ATRNL1: variants seen among roughly 807,000 people sequenced by gnomAD.
ATRNL1 encodes the protein attractin-like protein 1.
A neutral mutation model predicts 182.7 loss-of-function variants in ATRNL1; 95 were observed. The ratio of observed to expected loss-of-function variants is 0.52; its 90% CI spans 0.44 to 0.62. The LOEUF (loss-of-function observed/expected upper bound fraction) is 0.62, where lower values mean the gene tolerates loss of function less well. Among genes scored for constraint, ATRNL1 ranks in the 20% least tolerant of loss-of-function variants. The pLI, the probability that ATRNL1 is intolerant of heterozygous loss-of-function variation, is 0.00. For missense variants in ATRNL1, 1,471 were observed against 1,679.5 expected, an observed-to-expected ratio of 0.88 and a Z score of 2.17; for synonymous variants, 576 against 568.3, an observed-to-expected ratio of 1.01 and a Z score of -0.19.
At chr10:115,514,473 G>T (rs1850542312) in intron 24 of ATRNL1, among the ~76,000 whole-genome samples, 1 of 119,308 alleles carries the variant, frequency 8.4e-6, no homozygotes, top group Non-Finnish European at 2.0e-5. Flanking sequence ...TCTTTGGGCA[G>T]ATGTAAAAAA....
At chr10:115,941,637 C>A (rs1555124299) in intron 28 of ATRNL1, among the ~76,000 whole-genome samples, 1 of 152,168 alleles carries the variant, frequency 6.6e-6, no homozygotes, top group Non-Finnish European at 1.5e-5. Flanking sequence ...TTAAAGGAGA[C>A]ATGTATTATT....
At chr10:115,189,399 A>G (rs1848081546) in intron 8 of ATRNL1, among the ~76,000 whole-genome samples, 1 of 152,148 alleles carries the variant, frequency 6.6e-6, no homozygotes, top group Non-Finnish European at 1.5e-5. Context: ...AGAAGGCATT[A>G]TTATCATAGG....
chr10:115,290,085 T>TG (rs397828496), intron 15 of ATRNL1, among the ~76,000 whole-genome samples: 3 of 151,616 alleles, frequency 2.0e-5, no homozygotes, highest in Non-Finnish European at 4.4e-5. Flanking sequence ...TTTTTTTTTT[T>TG]GTAGAGGTCT....
chr10:115,893,746 T>C (rs952253026), intron 28 of ATRNL1, among the ~76,000 whole-genome samples: 7 of 152,212 alleles, frequency 4.6e-5, no homozygotes, highest in African/African-American at 1.7e-4. Flanking sequence ...GGCTAGCAAA[T>C]GAGACAGATG....
intron 21 of ATRNL1, among the ~76,000 whole-genome samples, chr10:115,440,554 T>G (rs1413583186): frequency 4.6e-5 from 7 of 151,904 alleles, no homozygotes; most frequent in Non-Finnish European, 1.0e-4. Flanking sequence ...TAACCCTACT[T>G]GTTTTCTCAT....
intron 24 of ATRNL1, among the ~76,000 whole-genome samples, chr10:115,487,567 G>A (rs1849086001): frequency 6.6e-6 from 1 of 152,032 alleles, no homozygotes; most frequent in East Asian, 1.9e-4. Flanking sequence ...TATGTTTTTT[G>A]CACATTGATT....
rs1390758579 is a variant in ATRNL1 at position 115,159,868 on chromosome 10, A to G, written c.830-172A>G. Among the ~76,000 whole-genome samples, 4 of 151,758 alleles carry G rather than the reference A, an allele frequency of 2.6e-5. 1 individual carries two copies. Among genetic ancestry groups the G allele is most frequent in the African/African-American group, 4.8e-5 (2 of 41,392 alleles). On this transcript the variant is annotated intron_variant, in intron 5 of 28. Coordinates refer to ENST00000355044, the MANE Select transcript of ATRNL1 (RefSeq NM_207303.4). ...TATATGACTTTTTTCACCTCTAAGC[A>G]TTACATTTTCTGTGAGTATTATTCT...
chr10:115,354,404 T>C (rs1856412197), intron 19 of ATRNL1, among the ~76,000 whole-genome samples: 1 of 152,134 alleles, frequency 6.6e-6, no homozygotes, highest in Admixed American at 6.6e-5. Context: ...CAGCTTTTGT[T>C]TGTCTGGGAA....
At chr10:115,259,138 C>A (rs1458561091) in intron 10 of ATRNL1, among the ~76,000 whole-genome samples, 2 of 152,226 alleles carry the variant, frequency 1.3e-5, no homozygotes, top group African/African-American at 4.8e-5. Flanking sequence ...CTGGGAGAAC[C>A]ACTGCCCTCT....
At chr10:115,525,544 T>G (rs1156496892) in intron 25 of ATRNL1, among the ~76,000 whole-genome samples, 1 of 152,220 alleles carries the variant, frequency 6.6e-6, no homozygotes, top group African/African-American at 2.4e-5. Context: ...AATGCATAGT[T>G]TGTCCTCTGA....
intron 28 of ATRNL1, among the ~76,000 whole-genome samples, chr10:115,858,824 T>C (rs1951245947): frequency 6.6e-6 from 1 of 152,136 alleles, no homozygotes; most frequent in South Asian, 2.1e-4. Flanking sequence ...AATTAAATAG[T>C]CCTACTTTAC....
intron 26 of ATRNL1, among the ~76,000 whole-genome samples, chr10:115,725,158 TA>T (rs1947555250): frequency 4.6e-5 from 7 of 152,178 alleles, no homozygotes; most frequent in Admixed American, 4.6e-4. Context: ...GTTCTTTACA[TA>T]AAGTAATTTA....
intron 26 of ATRNL1, among the ~76,000 whole-genome samples, chr10:115,581,090 C>A (rs1407284734): frequency 1.3e-5 from 2 of 152,062 alleles, no homozygotes; most frequent in African/African-American, 4.8e-5. Flanking sequence ...TGTTTCCTGA[C>A]TTTTATTGAC....
chr10:115,535,659 GT>G (rs1484190820), intron 25 of ATRNL1, among the ~76,000 whole-genome samples: 1 of 152,146 alleles, frequency 6.6e-6, no homozygotes, highest in Non-Finnish European at 1.5e-5. Flanking sequence ...GAGGAACTGC[GT>G]TCGTTTGGAG....
intron 26 of ATRNL1, among the ~76,000 whole-genome samples, chr10:115,595,577 G>A (rs1442414465): frequency 6.6e-6 from 1 of 151,954 alleles, no homozygotes; most frequent in Non-Finnish European, 1.5e-5. Context: ...TTCCTTGTTT[G>A]CTCTTTTATT....
At chr10:115,461,359 C>T (rs1847788027) in intron 21 of ATRNL1, among the ~76,000 whole-genome samples, 1 of 151,948 alleles carries the variant, frequency 6.6e-6, no homozygotes, top group Admixed American at 6.6e-5. Flanking sequence ...TCCCAGAATT[C>T]CTTGTATCAT....
At chr10:115,403,691 A>G (rs1844689876) in intron 20 of ATRNL1, among the ~76,000 whole-genome samples, 1 of 152,144 alleles carries the variant, frequency 6.6e-6, no homozygotes, top group African/African-American at 2.4e-5. Context: ...ACCTCAAGTG[A>G]TCCGTCCACC....
At chr10:115,388,542 T>C (rs566544392) in intron 19 of ATRNL1, among the ~76,000 whole-genome samples, 1 of 152,266 alleles carries the variant, frequency 6.6e-6, no homozygotes, top group East Asian at 1.9e-4. Flanking sequence ...AATGTGGCTC[T>C]ACTTTAGCGC....
intron 9 of ATRNL1, among the ~76,000 whole-genome samples, chr10:115,239,135 T>A (rs1162139923): frequency 1.3e-5 from 2 of 152,202 alleles, no homozygotes; most frequent in African/African-American, 4.8e-5. Flanking sequence ...CTAGAGAATA[T>A]TTTGTTCCTT....
Sources: gnomAD v4.1 joint callset for allele counts (sites outside exome capture counted in the v4.1 genomes callset) on GRCh38, gnomAD v4.1.1 for gene constraint, MANE v1.5 for transcripts, NCBI Gene and HGNC (gene_info 2026-07-23, HGNC 2026-07-21) for gene names.